Variants in GOLGA8Q observed in about 807,000 individuals in gnomAD.
GOLGA8Q encodes golgin A8 family member Q.
A neutral mutation model predicts 48.7 loss-of-function variants in GOLGA8Q; 3 were observed. The observed-to-expected ratio is 0.06, with a 90% CI of 0.03 to 0.16. The LOEUF is 0.16. Ranked by LOEUF, GOLGA8Q falls within the 10% of genes least tolerant of loss-of-function variation. The pLI is 1.00. For synonymous variants in GOLGA8Q, 22 were observed against 138.2 expected (o/e 0.16, Z 5.90); for missense variants, 49 against 364.3 (o/e 0.13, Z 7.05).
chr15:30,555,304 CTT>C (rs1405635576), intron 4 of GOLGA8Q, among the ~76,000 whole-genome samples, 182 bp downstream of exon 4: 1 of 60,866 alleles, frequency 1.6e-5, no homozygotes, highest in Non-Finnish European at 3.4e-5. Context: ...TTGCTGCCCT[CTT>C]TGCCGACTCT....
chr15:30,555,549 G>T (rs2059636510), intron 4 of GOLGA8Q, among the ~76,000 whole-genome samples: 1 of 110,248 alleles, frequency 9.1e-6, no homozygotes, highest in African/African-American at 3.6e-5. Flanking sequence ...AGATTTAAAG[G>T]CCCCCTAGAA....
chr15:30,562,183 GAGCCC>G lies in GOLGA8Q; in HGVS notation c.1667_1671del (p.Glu556GlyfsTer18), dbSNP rs1282450384. ...GGCCGCTGCCCACAACTCTGCTGAT[GAGCCC>G]GGTCCAGGAGCCCCAGCCCCCCAGG... is the stretch of plus-strand genomic sequence containing the variant. On this transcript the variant is annotated frameshift_variant, in exon 18 of 19. Transcript: ENST00000562783. LOFTEE classifies it high-confidence loss of function. 5 of 1,071,086 alleles carry G rather than the reference GAGCCC, an allele frequency of 4.7e-6. 2 individuals carry two copies. The highest frequency in any genetic ancestry group is 1.5e-5 in the South Asian group (1 of 66,156). The allele number at this position is 1,071,086 out of a possible 1,614,324, so 66.3% of individuals were successfully genotyped here.
intron 10 of GOLGA8Q, 65 bp downstream of exon 10, chr15:30,558,116 A>G: frequency 1.1e-6 from 1 of 882,858 alleles, no homozygotes; most frequent in East Asian, 2.4e-5. Context: ...GGCATCTGTA[A>G]AATGGGAATA....
At chr15:30,555,677 A>G (rs2140719766) in intron 4 of GOLGA8Q, among the ~76,000 whole-genome samples, 1 of 96,376 alleles carries the variant, frequency 1.0e-5, no homozygotes. Flanking sequence ...CCACTTTTCT[A>G]AATCACAAGC....
intron 2 of GOLGA8Q, 37 bp downstream of exon 2, chr15:30,553,948 GC>G (rs2059626765): frequency 1.2e-6 from 1 of 808,906 alleles, no homozygotes; most frequent in Non-Finnish European, 1.7e-6. Flanking sequence ...GGGACAGGGG[GC>G]CCAAGGGGCA....
intron 12 of GOLGA8Q, 78 bp downstream of exon 12, chr15:30,559,045 AG>A: frequency 4.7e-6 from 1 of 213,846 alleles, no homozygotes; most frequent in East Asian, 5.5e-5. Flanking sequence ...AAAATGGGGC[AG>A]TGTAGCCCTC....
At position 30,556,003 on chromosome 15, in the gene GOLGA8Q, G is replaced by C; in HGVS notation, c.339G>C (p.Gln113His). Residue 113 changes from glutamine to histidine, a missense_variant, in exon 5 of 19, where the codon CAG becomes CAC. Gln to His is a conservative substitution (Grantham distance 24, BLOSUM62 0). Transcript: ENST00000562783. ...LKQQKKQVEH[Q>H]LEEEKKANNE... The stretch of plus-strand genomic sequence containing the variant: ...AACAGAAGAAACAAGTGGAACATCA[G>C]CTGGAAGAAGTAACGTGATTTCGTT... 9.5e-7 allele frequency: 1 copy of C among 1,055,298 alleles called. No homozygotes were observed. Among genetic ancestry groups the C allele is most frequent in the Non-Finnish European group, 1.3e-6 (1 of 774,874 alleles). 65.4% of individuals were successfully genotyped at this position (1,055,298 alleles called of 1,614,324 possible).
intron 3 of GOLGA8Q, 60 bp downstream of exon 3, chr15:30,554,920 C>CACA (rs2059632262): frequency 1.4e-6 from 1 of 694,310 alleles, no homozygotes; most frequent in Non-Finnish European, 2.4e-6. Flanking sequence ...ACCTCCTCCT[C>CACA]CAGGTGGGAC....
At chr15:30,554,415 A>T (rs1307737787) in intron 2 of GOLGA8Q, among the ~76,000 whole-genome samples, 1 of 59,950 alleles carries the variant, frequency 1.7e-5, no homozygotes, top group Non-Finnish European at 3.0e-5. Flanking sequence ...TCACATCTGT[A>T]TAATAGAGGT....
At chr15:30,556,109 G>T in intron 5 of GOLGA8Q, 97 bp downstream of exon 5, 1 of 1,305,088 alleles carries the variant, frequency 7.7e-7, no homozygotes, top group East Asian at 2.3e-5. Flanking sequence ...CCAGCCTGGG[G>T]AAGAAGGCTC....
Position 30,558,015 on chromosome 15 carries a change from C to T in GOLGA8Q, c.750C>T (p.Ala250=), listed in dbSNP as rs770929348. The part of the protein sequence containing the change: ...ECAEHIEGER[A]RWHQRMSKML... ...CTGAACATATAGAAGGAGAGAGGGC[C>T]CGGTGGCATCAGAGGATGAGTAAAA... The change falls in exon 10 of 19, where the codon GCC becomes GCT. Residue 250 remains alanine, a synonymous_variant. Transcript: ENST00000562783. 1.5e-5 allele frequency: 18 copies of T among 1,165,126 alleles called. 1 individual carries two copies. The East Asian group carries it at 3.7e-4, about 24-fold the overall frequency. 72.2% of individuals were successfully genotyped at this position (1,165,126 alleles called of 1,614,324 possible).
chr15:30,559,099 T>C, intron 12 of GOLGA8Q, 124 bp from the exon 13 acceptor site: 2 of 399,888 alleles, frequency 5.0e-6, no homozygotes, highest in African/African-American at 1.6e-4. Context: ...GCCAGGTGGC[T>C]GTGGGAGAGA....
Position 30,556,688 on chromosome 15 carries a change from GA to G in GOLGA8Q, c.581del (p.Lys194ArgfsTer17). On this transcript the variant is annotated frameshift_variant, in exon 8 of 19. Coordinates refer to ENST00000562783, the MANE Select transcript of GOLGA8Q (RefSeq NM_001355476.2). LOFTEE classifies it high-confidence loss of function. ...LSAVIATEKK[K>X]ANQLSSCSKA... Reference sequence around the variant, plus strand: ...CTGCTGTCATCGCCACAGAGAAGAAGAAGGCAAACCAGGTGAGTCCAGCCAC... The same window carrying G: ...CTGCTGTCATCGCCACAGAGAAGAAGAGGCAAACCAGGTGAGTCCAGCCAC... 1.2e-6 allele frequency: 1 copy of G among 831,948 alleles called. No homozygotes were observed. The highest frequency in any genetic ancestry group is 1.4e-5 in the South Asian group (1 of 69,910). 51.5% of individuals were successfully genotyped at this position (831,948 alleles called of 1,614,324 possible). A position where few individuals can be genotyped will look rare whatever the true frequency, so the allele number is the denominator to read the frequency against.
intron 9 of GOLGA8Q, 48 bp downstream of exon 9, chr15:30,557,885 G>GC: frequency 7.1e-7 from 1 of 1,416,270 alleles, no homozygotes; most frequent in Non-Finnish European, 9.8e-7. Flanking sequence ...ACCCCAGGTG[G>GC]CCAGGAGCAG....
chr15:30,558,095 G>A (rs1269607308), intron 10 of GOLGA8Q, 44 bp downstream of exon 10: 1 of 984,824 alleles, frequency 1.0e-6, no homozygotes, highest in Admixed American at 2.3e-5. Flanking sequence ...ATAGGGCACT[G>A]GATCTTTCTG....
intron 4 of GOLGA8Q, among the ~76,000 whole-genome samples, chr15:30,555,592 C>T (rs1229706628): frequency 9.1e-6 from 1 of 109,758 alleles, no homozygotes; most frequent in East Asian, 2.0e-4. Flanking sequence ...TCCTGTCTGT[C>T]CTTTTCCATC....
At chr15:30,555,604 T>C (rs1292148371) in intron 4 of GOLGA8Q, among the ~76,000 whole-genome samples, 1 of 109,294 alleles carries the variant, frequency 9.1e-6, no homozygotes, top group African/African-American at 3.7e-5. Flanking sequence ...TTTTCCATCC[T>C]ATATCTGCTG....
chr15:30,560,562 G>T lies in GOLGA8Q; in HGVS notation c.1227G>T (p.Gln409His), dbSNP rs780032865. 2 of 1,129,322 alleles carry T rather than the reference G, an allele frequency of 1.8e-6. 1 individual carries two copies. The highest frequency in any genetic ancestry group is 2.4e-6 in the Non-Finnish European group (2 of 834,184). 70.0% of individuals were successfully genotyped at this position (1,129,322 alleles called of 1,614,324 possible). Residue 409 changes from glutamine (Q) to histidine (H), a missense_variant, in exon 14 of 19, where the codon CAG becomes CAT. Gln to His is a conservative substitution (Grantham distance 24). Transcript: ENST00000562783. ...AGCACCTGGAAGCGGCCAGCCAGCA[G>T]AACCAGCAGCTAACGGCCCAGCTGA... Reference protein sequence around the residue: ...GEEHLEAASQQNQQLTAQLNL... With the variant: ...GEEHLEAASQHNQQLTAQLNL...
rs763825201 is a variant in GOLGA8Q at position 30,560,504 on chromosome 15, C to G, written c.1201-32C>G. The G allele has an allele frequency of 8.4e-4, 906 of 1,075,946 alleles. 323 individuals carry two copies. Among genetic ancestry groups the G allele is most frequent in the Non-Finnish European group, 1.2e-4 (93 of 798,714 alleles). The allele number at this position is 1,075,946 out of a possible 1,614,324, so 66.6% of individuals were successfully genotyped here. A position where few individuals can be genotyped will look rare whatever the true frequency, so the allele number is the denominator to read the frequency against. On this transcript the variant is annotated intron_variant, in intron 13 of 18. Coordinates refer to ENST00000562783, the MANE Select transcript of GOLGA8Q (RefSeq NM_001355476.2). ...TGTGAGGGGGACGACCTGGCAAACT[C>G]CATCCCTTCTCACTCTTTCCTGGCC...
Sources: allele counts gnomAD v4.1 joint callset (sites outside exome capture counted in the v4.1 genomes callset), GRCh38; gene constraint gnomAD v4.1.1; transcripts MANE v1.5; gene names NCBI Gene and HGNC (gene_info 2026-07-23, HGNC 2026-07-21).